The following BLTP1 variants were observed in gnomAD, a reference collection of about 807,000 sequenced individuals.
BLTP1 encodes bridge-like lipid transfer protein family member 1.
chr4:122,278,044 A>C, the BLTP1 span, among the ~76,000 whole-genome samples: 1 of 152,270 alleles, frequency 6.6e-6, no homozygotes, highest in South Asian at 2.1e-4. Flanking sequence ...AAATAGCATA[A>C]AATAAATATA....
chr4:122,154,806 AG>A, the BLTP1 span: 1 of 192,846 alleles, frequency 5.2e-6, no homozygotes, highest in Non-Finnish European at 9.5e-6. Flanking sequence ...CAGGAGGCAG[AG>A]CTTGCAGTGA....
At chr4:122,309,593 T>C in the BLTP1 span, 1 of 902,804 alleles carries the variant, frequency 1.1e-6, no homozygotes, top group South Asian at 1.8e-5. Context: ...GGGCTATTTC[T>C]AGTTACAGGT....
chr4:122,277,700 A>G, the BLTP1 span: 87 of 982,934 alleles, frequency 8.9e-5, no homozygotes, highest in Non-Finnish European at 1.0e-4. Flanking sequence ...AATGAAAAGC[A>G]GAAAATGCAA....
At chr4:122,352,264 A>G in the BLTP1 span, among the ~76,000 whole-genome samples, 2 of 152,216 alleles carry the variant, frequency 1.3e-5, no homozygotes, top group Non-Finnish European at 2.9e-5. Context: ...CTAGTTTACA[A>G]AGTTATAATG....
At chr4:122,242,883 T>G in the BLTP1 span, 1 of 671,782 alleles carries the variant, frequency 1.5e-6, no homozygotes, top group Non-Finnish European at 2.5e-6. Flanking sequence ...GTTAAATGTT[T>G]ATATCAAATA....
At chr4:122,215,504 G>C in the BLTP1 span, 58 of 985,278 alleles carry the variant, frequency 5.9e-5, no homozygotes, top group Non-Finnish European at 6.7e-5. Context: ...AGGTGGGACA[G>C]AGGTGATTTT....
At chr4:122,346,765 G>C in the BLTP1 span, 1 of 1,607,170 alleles carries the variant, frequency 6.2e-7, no homozygotes, top group South Asian at 1.1e-5. Context: ...TGCCAAGTAA[G>C]CTTGTTATGT....
chr4:122,202,347 C>G, the BLTP1 span, among the ~76,000 whole-genome samples: 1 of 152,044 alleles, frequency 6.6e-6, no homozygotes, highest in Non-Finnish European at 1.5e-5. Flanking sequence ...CTGGCTCTGT[C>G]CTAAGCAGTT....
chr4:122,231,746 T>C, the BLTP1 span: 1 of 976,698 alleles, frequency 1.0e-6, no homozygotes, highest in Non-Finnish European at 1.2e-6. Context: ...TATATTATTC[T>C]AGGTAAGGAG....
At chr4:122,272,313 G>A in the BLTP1 span, 12 of 1,612,946 alleles carry the variant, frequency 7.4e-6, no homozygotes, top group African/African-American at 1.3e-5. Context: ...ATGGTGAACC[G>A]CACACACCTA....
At chr4:122,166,094 A>T in the BLTP1 span, among the ~76,000 whole-genome samples, 23 of 152,022 alleles carry the variant, frequency 1.5e-4, no homozygotes. Flanking sequence ...CCCATTTGTC[A>T]ATTTTGGCTT....
the BLTP1 span, chr4:122,212,086 G>A: frequency 1.0e-6 from 1 of 984,348 alleles, no homozygotes; most frequent in Non-Finnish European, 1.2e-6. Flanking sequence ...GAGGGACTAG[G>A]ATGTTTAGGG....
the BLTP1 span, among the ~76,000 whole-genome samples, chr4:122,220,809 A>G: frequency 9.8e-5 from 15 of 152,294 alleles, no homozygotes; most frequent in Middle Eastern, 3.4e-3. Context: ...GTATCACAGC[A>G]TAAATGTTAA....
chr4:122,153,466 G>A, the BLTP1 span, among the ~76,000 whole-genome samples: 1 of 152,050 alleles, frequency 6.6e-6, no homozygotes, highest in Non-Finnish European at 1.5e-5. Context: ...ATCCTATAAT[G>A]TAAAGTCTAC....
chr4:122,240,439 C>A, the BLTP1 span: 4 of 1,143,626 alleles, frequency 3.5e-6, no homozygotes, highest in African/African-American at 1.6e-5. Context: ...TACTCTCATT[C>A]TTTTTAGCTA....
At chr4:122,221,180 T>A in the BLTP1 span, 1 of 293,116 alleles carries the variant, frequency 3.4e-6, no homozygotes, top group African/African-American at 2.3e-5. Flanking sequence ...CATCAATGAA[T>A]GATCATTTAT....
the BLTP1 span, chr4:122,269,118 A>T: frequency 1.1e-6 from 1 of 944,682 alleles, no homozygotes; most frequent in Admixed American, 6.2e-5. Flanking sequence ...AGCTAAATTT[A>T]TATTTAAATT....
chr4:122,155,302 T>G, the BLTP1 span, among the ~76,000 whole-genome samples: 1 of 151,972 alleles, frequency 6.6e-6, no homozygotes, highest in East Asian at 1.9e-4. Flanking sequence ...AATGCTGCAT[T>G]AATGTACAGT....
At chr4:122,214,119 T>A in the BLTP1 span, 1 of 700,036 alleles carries the variant, frequency 1.4e-6, no homozygotes, top group Non-Finnish European at 1.8e-6. Flanking sequence ...TTTCCTACTG[T>A]TTCTCTGATT....
Sources: allele counts gnomAD v4.1 joint callset (sites outside exome capture counted in the v4.1 genomes callset), GRCh38; gene constraint gnomAD v4.1.1; transcripts MANE v1.5; gene names NCBI Gene and HGNC (gene_info 2026-07-23, HGNC 2026-07-21).